The following CELF2 variants were observed in gnomAD, a reference collection of about 807,000 sequenced individuals.
CELF2 encodes CUGBP Elav-like family member 2, also known as CUG triplet repeat RNA-binding protein 2.
A neutral mutation model predicts 62.6 loss-of-function variants in CELF2; 8 were observed. That is an observed-to-expected ratio of 0.13 (90% CI 0.07 to 0.23). The LOEUF is 0.23. CELF2 is among the 10% of genes least tolerant of loss of function. The pLI is 1.00. For missense variants in CELF2, 333 were observed against 671.0 expected (o/e 0.50, Z 5.56); for synonymous variants, 258 against 250.0 (o/e 1.03, Z -0.30).
chr10:10,463,977 C>A, the CELF2 span, among the ~76,000 whole-genome samples: 53 of 150,730 alleles, frequency 3.5e-4, no homozygotes, highest in African/African-American at 1.3e-3. Context: ...AAAAAAACTC[C>A]TATGGATTTT....
chr10:10,666,582 G>A, the CELF2 span, among the ~76,000 whole-genome samples: 4 of 135,780 alleles, frequency 2.9e-5, 1 homozygote, highest in East Asian at 8.0e-4. Flanking sequence ...TAAGAAAGAG[G>A]CCGGGCGCGG....
chr10:10,753,867 C>T, the CELF2 span, among the ~76,000 whole-genome samples: 2 of 152,008 alleles, frequency 1.3e-5, no homozygotes, highest in Admixed American at 1.3e-4. Context: ...GGAAACAGGC[C>T]GCATTGCTTA....
At chr10:10,464,475 A>G in the CELF2 span, among the ~76,000 whole-genome samples, 12 of 152,222 alleles carry the variant, frequency 7.9e-5, no homozygotes, top group African/African-American at 2.2e-4. Context: ...TTATCATTCT[A>G]TTCTCAAATT....
the CELF2 span, among the ~76,000 whole-genome samples, chr10:10,597,718 A>G: frequency 6.6e-6 from 1 of 152,208 alleles, no homozygotes; most frequent in African/African-American, 2.4e-5. Flanking sequence ...TAACAAAATC[A>G]CGTTTCAAGT....
the CELF2 span, among the ~76,000 whole-genome samples, chr10:10,560,932 C>T: frequency 4.0e-4 from 61 of 151,140 alleles, no homozygotes; most frequent in Non-Finnish European, 2.5e-4. Context: ...AACTAAACAT[C>T]GTATGTTCTC....
At chr10:10,512,394 T>C in the CELF2 span, among the ~76,000 whole-genome samples, 196 of 145,170 alleles carry the variant, frequency 1.4e-3, no homozygotes, top group Non-Finnish European at 2.4e-3. Flanking sequence ...TAGGTACTTT[T>C]GGAACGCTTT....
rs555845894 is a variant in CELF2, at chr10:11,251,694, G to A, written c.403+2493G>A. On this transcript the variant is annotated intron_variant, in intron 4 of 12. Transcript: ENST00000633077. ...TCAGTGTCTCTTCAGCTGTGAGAGG[G>A]GGCTACAGTGGTGTCATCTGAACAC... 1.5e-4 allele frequency among the ~76,000 whole-genome samples: 23 copies of A among 152,180 alleles called. No homozygotes were observed. In the South Asian group the frequency reaches 4.4e-3, roughly 29 times the overall value.
chr10:11,043,948 C>A (rs1299411783), intron 1 of CELF2, among the ~76,000 whole-genome samples: 1 of 152,240 alleles, frequency 6.6e-6, no homozygotes, highest in Admixed American at 6.5e-5. Flanking sequence ...CTGCTCCACC[C>A]ACATGGGCTT....
intron 2 of CELF2, among the ~76,000 whole-genome samples, chr10:10,925,873 T>C (rs1488936386): frequency 1.3e-5 from 2 of 152,116 alleles, no homozygotes; most frequent in Admixed American, 6.6e-5. Context: ...CCAACCATCA[T>C]ACAGCACCCA....
chr10:10,696,121 T>TC, the CELF2 span, among the ~76,000 whole-genome samples: 1 of 152,188 alleles, frequency 6.6e-6, no homozygotes, highest in Non-Finnish European at 1.5e-5. Flanking sequence ...TTCTGTTTTT[T>TC]CCCCATCTTT....
At chr10:10,722,185 C>T in the CELF2 span, among the ~76,000 whole-genome samples, 1 of 152,166 alleles carries the variant, frequency 6.6e-6, no homozygotes, top group East Asian at 1.9e-4. Flanking sequence ...AACCTGTAGT[C>T]CCAGCTACTT....
chr10:11,133,231 C>A (rs17149612), intron 1 of CELF2, among the ~76,000 whole-genome samples: 9,415 of 152,178 alleles, frequency 0.062, 372 homozygotes, highest in African/African-American at 0.11. Flanking sequence ...AAGAAGAGGA[C>A]AACCAGGTAG....
chr10:11,197,804 A>C (rs751993093), intron 2 of CELF2, among the ~76,000 whole-genome samples: 5 of 152,230 alleles, frequency 3.3e-5, no homozygotes, highest in African/African-American at 4.8e-5. Context: ...GTATATATTT[A>C]CTGCTGACTG....
intron 1 of CELF2, among the ~76,000 whole-genome samples, chr10:11,059,376 G>C (rs565604125): frequency 6.6e-6 from 1 of 151,736 alleles, no homozygotes; most frequent in Non-Finnish European, 1.5e-5. Flanking sequence ...AATTTGGGAG[G>C]GTTTGAGCCA....
At chr10:10,807,197 T>C (rs2055325681) in intron 1 of CELF2, among the ~76,000 whole-genome samples, 1 of 152,238 alleles carries the variant, frequency 6.6e-6, no homozygotes, top group Non-Finnish European at 1.5e-5. Context: ...TCACCTTCAA[T>C]ACCTGTAGCT....
the CELF2 span, among the ~76,000 whole-genome samples, chr10:10,709,135 C>T: frequency 6.6e-6 from 1 of 152,198 alleles, no homozygotes; most frequent in Admixed American, 6.5e-5. Context: ...TGGGTCAATA[C>T]ATCAGCAGAA....
intron 1 of CELF2, among the ~76,000 whole-genome samples, chr10:11,080,432 A>G (rs1262914747): frequency 2.0e-5 from 3 of 152,230 alleles, no homozygotes; most frequent in Non-Finnish European, 4.4e-5. Flanking sequence ...GGCTATTACT[A>G]GTTCCTCTAT....
the CELF2 span, among the ~76,000 whole-genome samples, chr10:10,592,628 G>A: frequency 2.0e-5 from 3 of 152,264 alleles, no homozygotes; most frequent in Non-Finnish European, 4.4e-5. Context: ...GTGAATTAAA[G>A]AGTGTCAAAA....
intron 1 of CELF2, among the ~76,000 whole-genome samples, chr10:10,818,877 C>G (rs7094576): frequency 0.47 from 72,111 of 152,070 alleles, 17,602 homozygotes; most frequent in African/African-American, 0.59. Context: ...CATGCCCAGA[C>G]AGCGTGGCAT....
Sources: allele counts gnomAD v4.1 joint callset (sites outside exome capture counted in the v4.1 genomes callset), GRCh38; gene constraint gnomAD v4.1.1; transcripts MANE v1.5; gene names NCBI Gene and HGNC (gene_info 2026-07-23, HGNC 2026-07-21).